The following HAO2 variants were observed in gnomAD, a reference collection of about 807,000 sequenced individuals.
The protein encoded by HAO2 is 2-Hydroxyacid oxidase 2.
A neutral mutation model predicts 37.4 loss-of-function variants in HAO2; 42 were observed. That is an observed-to-expected ratio of 1.12 (90% CI 0.88 to 1.45). The LOEUF (loss-of-function observed/expected upper bound fraction) is 1.45, where lower values mean the gene tolerates loss of function less well. Among genes scored for constraint, HAO2 ranks in the 40% most tolerant of loss-of-function variants. The pLI is 0.00. For synonymous variants in HAO2, 180 were observed against 162.8 expected (o/e 1.11, Z -0.81); for missense variants, 476 against 430.2 (o/e 1.11, Z -0.94).
At chr1:119,370,513 T>C (rs1247658265) in intron 1 of HAO2, among the ~76,000 whole-genome samples, 1 of 152,144 alleles carries the variant, frequency 6.6e-6, no homozygotes, top group East Asian at 1.9e-4. Flanking sequence ...TCTAGAAATT[T>C]CAAAGGGGCC....
At chr1:119,392,555 A>G (rs1210210570) in intron 6 of HAO2, 63 bp from the exon 7 acceptor site, 4 of 1,021,222 alleles carry the variant, frequency 3.9e-6, no homozygotes, top group African/African-American at 3.1e-5. Context: ...AATTTATACT[A>G]GTGGATGGTC....
chr1:119,379,280 G>T (rs1036555240), intron 1 of HAO2, among the ~76,000 whole-genome samples: 1 of 152,094 alleles, frequency 6.6e-6, no homozygotes, highest in Non-Finnish European at 1.5e-5. Flanking sequence ...GAGTCCCAGA[G>T]GAGAAGCAAA....
At chr1:119,381,328 C>T (rs1461118387) in intron 2 of HAO2, 112 bp downstream of exon 2, 1 of 764,770 alleles carries the variant, frequency 1.3e-6, no homozygotes, top group Non-Finnish European at 2.3e-6. Context: ...CACTCAAGAC[C>T]TAATAATGTG....
At chr1:119,389,169 C>CGTATATATATATATATAT (rs1557855925) in intron 5 of HAO2, among the ~76,000 whole-genome samples, 1 of 14,546 alleles carries the variant, frequency 6.9e-5, no homozygotes, top group Non-Finnish European at 1.9e-4. Flanking sequence ...TATATATATA[C>CGTATATATATATATATAT]ACCACAGTTT....
intron 1 of HAO2, among the ~76,000 whole-genome samples, chr1:119,377,149 T>A (rs60055214): frequency 0.034 from 5,230 of 152,284 alleles, 282 homozygotes; most frequent in African/African-American, 0.12. Context: ...TTTGAATACA[T>A]AAAACTGAAT....
intron 1 of HAO2, among the ~76,000 whole-genome samples, chr1:119,372,948 ACCTCAG>A (rs587731999): frequency 5.9e-4 from 90 of 152,338 alleles, no homozygotes; most frequent in African/African-American, 2.1e-3. Context: ...TACTTGAAGG[ACCTCAG>A]CTCAGCTTTT....
At chr1:119,392,461 C>T in intron 6 of HAO2, 157 bp from the exon 7 acceptor site, 1 of 721,378 alleles carries the variant, frequency 1.4e-6, no homozygotes, top group Non-Finnish European at 2.4e-6. Context: ...CTATCTTTGT[C>T]TCTGTGCTTT....
intron 1 of HAO2, among the ~76,000 whole-genome samples, chr1:119,373,965 G>A (rs1342834241): frequency 6.6e-6 from 1 of 152,226 alleles, no homozygotes; most frequent in African/African-American, 2.4e-5. Context: ...AGAAGCCAGA[G>A]CTGATTCTGG....
At chr1:119,371,944 C>T (rs587749158) in intron 1 of HAO2, among the ~76,000 whole-genome samples, 5 of 152,300 alleles carry the variant, frequency 3.3e-5, no homozygotes, top group Admixed American at 1.3e-4. Context: ...ATCAATGTCT[C>T]CCAGTATGCC....
chr1:119,381,288 T>A, intron 2 of HAO2, 72 bp downstream of exon 2: 2 of 1,061,062 alleles, frequency 1.9e-6, no homozygotes, highest in South Asian at 2.6e-5. Flanking sequence ...ACAGTAGTAG[T>A]CCTGGTTTCT....
chr1:119,387,073 G>A (rs1650449261), intron 5 of HAO2, among the ~76,000 whole-genome samples: 1 of 152,110 alleles, frequency 6.6e-6, no homozygotes, highest in Admixed American at 6.5e-5. Flanking sequence ...GCTGCAAGAT[G>A]GGTGTTATTA....
chr1:119,378,446 T>C (rs1454115526), intron 1 of HAO2, among the ~76,000 whole-genome samples: 1 of 152,198 alleles, frequency 6.6e-6, no homozygotes, highest in African/African-American at 2.4e-5. Context: ...ACAAGTTATT[T>C]TATTTCTGAG....
Position 119,381,157 on chromosome 1 carries a change from T to C in HAO2, c.72T>C (p.Phe24=). Residue 24 remains phenylalanine, a synonymous_variant, in exon 2 of 8, where the codon TTT becomes TTC. Coordinates refer to ENST00000325945, the MANE Select transcript of HAO2 (RefSeq NM_016527.4). ...AGCTGTCTAAGTCAACTCGGGATTT[T>C]ATTGAAGGTGGAGCAGATGACAGCA... ...REQLSKSTRD[F]IEGGADDSIT... is the part of the protein sequence containing the mutation. 6.2e-7 allele frequency: 1 copy of C among 1,610,818 alleles called. No individual in the cohort carries two copies. Among genetic ancestry groups the C allele is most frequent in the African/African-American group, 1.3e-5 (1 of 75,000 alleles).
rs1268175586 is a variant in HAO2, at chr1:119,381,225, T to C, written c.131+9T>C. On this transcript the variant is annotated intron_variant, in intron 2 of 7. Coordinates refer to ENST00000325945, the MANE Select transcript of HAO2 (RefSeq NM_016527.4). ...ATTGCAGCATTTAAAAGGTGTGGTC[T>C]TCTGTAGCCTGTCTATTGTTAGGTT... 5.0e-6 allele frequency: 8 copies of C among 1,602,020 alleles called. No homozygotes were observed. Among genetic ancestry groups the C allele is most frequent in the South Asian group, 1.1e-5 (1 of 90,834 alleles).
intron 3 of HAO2, 145 bp downstream of exon 3, chr1:119,383,211 G>C: frequency 1.7e-6 from 1 of 583,748 alleles, no homozygotes; most frequent in Non-Finnish European, 3.0e-6. Flanking sequence ...AATGCTTAAA[G>C]CTACGTTTGT....
intron 1 of HAO2, among the ~76,000 whole-genome samples, chr1:119,371,496 T>A (rs183513105): frequency 6.6e-6 from 1 of 152,356 alleles, no homozygotes; most frequent in Admixed American, 6.5e-5. Context: ...AAGTTGCATA[T>A]GTCCATGACA....
intron 1 of HAO2, among the ~76,000 whole-genome samples, chr1:119,372,057 TC>T (rs1649077302): frequency 6.6e-6 from 1 of 152,178 alleles, no homozygotes; most frequent in Non-Finnish European, 1.5e-5. Flanking sequence ...GAACAGATTT[TC>T]CCACAAAAGA....
rs1446613798 is a variant in HAO2, at chr1:119,394,129, A to G, written c.*289A>G. 3 of 937,650 alleles carry G rather than the reference A, an allele frequency of 3.2e-6. No homozygotes were observed. Among genetic ancestry groups the G allele is most frequent in the Non-Finnish European group, 4.2e-6 (3 of 711,270 alleles). The allele number at this position is 937,650 out of a possible 1,614,324, so 58.1% of individuals were successfully genotyped here. A position where few individuals can be genotyped will look rare whatever the true frequency, so the allele number is the denominator to read the frequency against. On this transcript the variant is annotated 3_prime_UTR_variant, in exon 8 of 8. Coordinates refer to ENST00000325945, the MANE Select transcript of HAO2 (RefSeq NM_016527.4). Reference sequence around the variant, plus strand: ...AAAAGGACAGATCATTAATGACTGGAACCACTAGTGGGTGATATTTTTTGC... The same window carrying G: ...AAAAGGACAGATCATTAATGACTGGGACCACTAGTGGGTGATATTTTTTGC...
intron 2 of HAO2, among the ~76,000 whole-genome samples, chr1:119,382,694 G>T (rs949872088): frequency 2.0e-5 from 3 of 152,192 alleles, no homozygotes; most frequent in Admixed American, 2.0e-4. Context: ...AGAGAAGGTT[G>T]GGAAATGGGG....
Sources: gnomAD v4.1 joint callset for allele counts (sites outside exome capture counted in the v4.1 genomes callset) on GRCh38, gnomAD v4.1.1 for gene constraint, MANE v1.5 for transcripts, NCBI Gene and HGNC (gene_info 2026-07-23, HGNC 2026-07-21) for gene names.